The following IQCH variants were observed in gnomAD, a reference collection of about 807,000 sequenced individuals.
IQCH encodes IQ domain-containing protein H.
IQCH carries 98 observed loss-of-function variants against 117.0 expected under a neutral mutation model. The ratio of observed to expected loss-of-function variants is 0.84; its 90% CI spans 0.71 to 0.99. IQCH has a LOEUF of 0.99. Ranked by LOEUF, IQCH falls within the 50% of genes least tolerant of loss-of-function variation. The pLI, the probability that IQCH is intolerant of heterozygous loss-of-function variation, is 0.00. For synonymous variants in IQCH, 412 were observed against 448.2 expected (o/e 0.92, Z 1.02); for missense variants, 1,102 against 1,243.8 (o/e 0.89, Z 1.72).
rs1029424646 is a variant in IQCH at position 67,474,558 on chromosome 15, ACATAATGACAG to A, written c.2677-1135_2677-1125del. Among the ~76,000 whole-genome samples the A allele has an allele frequency of 6.6e-6, 1 of 152,252 alleles. No individual in the cohort carries two copies. Among genetic ancestry groups the A allele is most frequent in the Non-Finnish European group, 1.5e-5 (1 of 68,046 alleles). On this transcript the variant is annotated intron_variant, in intron 17 of 20. Transcript: ENST00000335894. The surrounding 1 kb of genome is among the most constrained non-coding windows in gnomAD (Gnocchi z 4.1). ...TAAATTTTAAATGTTTTCAGGAAAT[ACATAATGACAG>A]CACTTTGGGCCTACTATCACCAATC...
intron 4 of IQCH, among the ~76,000 whole-genome samples, chr15:67,295,843 T>C (rs1966849293): frequency 6.6e-6 from 1 of 152,158 alleles, no homozygotes; most frequent in Admixed American, 6.5e-5. Flanking sequence ...TCTACAGTTA[T>C]TTCCTCTCAT....
Position 67,453,548 on chromosome 15 carries a change from T to C in IQCH, c.2506-11579T>C, listed in dbSNP as rs1402161720. Among the ~76,000 whole-genome samples, 1 of 152,202 alleles carries C rather than the reference T, an allele frequency of 6.6e-6. No individual in the cohort carries two copies. Among genetic ancestry groups the C allele is most frequent in the Non-Finnish European group, 1.5e-5 (1 of 68,020 alleles). On this transcript the variant is annotated intron_variant, in intron 16 of 20. Coordinates refer to ENST00000335894, the MANE Select transcript of IQCH (RefSeq NM_001031715.3). The surrounding 1 kb of genome is among the most constrained non-coding windows in gnomAD (Gnocchi z 5.8). ...GTGGCTGCAGAACAGTGGATTTTGG[T>C]GAACCGCAAATGCTGCTGCCTGATC... is the stretch of plus-strand genomic sequence containing the variant.
chr15:67,328,586 A>T (rs1196238518), intron 4 of IQCH, among the ~76,000 whole-genome samples: 1 of 152,238 alleles, frequency 6.6e-6, no homozygotes, highest in East Asian at 1.9e-4. Context: ...AGAATTTAAT[A>T]GCAGAGCCTA....
chr15:67,263,571 C>T (rs1362331171), intron 3 of IQCH, among the ~76,000 whole-genome samples: 1 of 152,138 alleles, frequency 6.6e-6, no homozygotes, highest in Non-Finnish European at 1.5e-5. Flanking sequence ...TAATGCTTGA[C>T]ACCATAATAA....
intron 3 of IQCH, among the ~76,000 whole-genome samples, chr15:67,267,586 A>G (rs1965728261): frequency 6.6e-6 from 1 of 152,230 alleles, no homozygotes; most frequent in African/African-American, 2.4e-5. Context: ...CCCGGCAGTC[A>G]GGCTAGCAGG....
At chr15:67,273,227 T>C (rs1596074524) in intron 3 of IQCH, among the ~76,000 whole-genome samples, 1 of 151,804 alleles carries the variant, frequency 6.6e-6, no homozygotes, top group Non-Finnish European at 1.5e-5. Context: ...CCTGCCACCA[T>C]GCCTGGCTAA....
chr15:67,478,877 T>C (rs1313164074), intron 18 of IQCH, among the ~76,000 whole-genome samples: 1 of 151,822 alleles, frequency 6.6e-6, no homozygotes, highest in Non-Finnish European at 1.5e-5. Flanking sequence ...TGAGCCGAGA[T>C]TGCGCCACTG....
chr15:67,278,969 A>G (rs1202035445), intron 3 of IQCH, among the ~76,000 whole-genome samples: 6 of 152,220 alleles, frequency 3.9e-5, no homozygotes, highest in Non-Finnish European at 2.9e-5. Context: ...ACTATATAAA[A>G]TAGCAGAGAT....
intron 16 of IQCH, among the ~76,000 whole-genome samples, chr15:67,449,796 C>A (rs1313740148): frequency 2.8e-4 from 43 of 152,070 alleles, no homozygotes; most frequent in African/African-American, 1.0e-3. Flanking sequence ...ATGGCATTGA[C>A]TCTATAAATT....
Position 67,474,069 on chromosome 15 carries a change from T to A in IQCH, c.2677-1627T>A, listed in dbSNP as rs1023213712. On this transcript the variant is annotated intron_variant, in intron 17 of 20. Transcript: ENST00000335894. This position sits in a 1 kb window ranked among gnomAD's most constrained non-coding sequence, Gnocchi z 4.1. Reference sequence around the variant, plus strand: ...CACCAAAAGTGCCACGAAATCTGAGTGTGTGTGTGTGTGTGTGTGTGTGTG... The same window carrying A: ...CACCAAAAGTGCCACGAAATCTGAGAGTGTGTGTGTGTGTGTGTGTGTGTG... Among the ~76,000 whole-genome samples the A allele has an allele frequency of 1.5e-5, 2 of 134,252 alleles. No homozygotes were observed. The highest frequency in any genetic ancestry group is 7.2e-5 in the Admixed American group (1 of 13,838). The allele number at this position is 134,252 out of a possible 152,430, so 88.1% of individuals were successfully genotyped here.
chr15:67,321,756 A>T (rs1207017681), intron 4 of IQCH, among the ~76,000 whole-genome samples: 3 of 152,170 alleles, frequency 2.0e-5, no homozygotes, highest in Admixed American at 1.3e-4. Flanking sequence ...AACCAATCTC[A>T]GCTTTGCTTC....
At chr15:67,444,273 A>C (rs2082344647) in intron 16 of IQCH, among the ~76,000 whole-genome samples, 1 of 152,220 alleles carries the variant, frequency 6.6e-6, no homozygotes, top group Non-Finnish European at 1.5e-5. Flanking sequence ...GAATAAAATC[A>C]GTGTTGTGGT....
intron 5 of IQCH, among the ~76,000 whole-genome samples, chr15:67,340,035 C>T (rs1315018432): frequency 6.6e-6 from 1 of 152,154 alleles, no homozygotes; most frequent in Non-Finnish European, 1.5e-5. Context: ...TTCCTTACCA[C>T]CTATAAGGCT....
chr15:67,327,915 A>G (rs1968484575), intron 4 of IQCH, among the ~76,000 whole-genome samples: 1 of 152,134 alleles, frequency 6.6e-6, no homozygotes, highest in Admixed American at 6.5e-5. Context: ...AGCTTTTATG[A>G]CAGCACTAAA....
chr15:67,335,073 A>G (rs906866305), intron 4 of IQCH, among the ~76,000 whole-genome samples: 17 of 152,030 alleles, frequency 1.1e-4, no homozygotes, highest in South Asian at 4.1e-4. Flanking sequence ...ACACACGTGC[A>G]CACACACACA....
chr15:67,400,342 G>T, intron 14 of IQCH, 37 bp downstream of exon 14: 1 of 1,526,704 alleles, frequency 6.6e-7, no homozygotes, highest in Non-Finnish European at 9.1e-7. Context: ...CGCAGGGTCT[G>T]TGAACAGTTA....
intron 4 of IQCH, among the ~76,000 whole-genome samples, chr15:67,310,440 T>C (rs574913143): frequency 0.01 from 1,589 of 152,164 alleles, 24 homozygotes; most frequent in African/African-American, 0.037. Context: ...TACAAATAAA[T>C]AAGCAAAGAT....
intron 4 of IQCH, among the ~76,000 whole-genome samples, chr15:67,324,616 A>AAT (rs1567097174): frequency 6.6e-6 from 1 of 151,650 alleles, no homozygotes; most frequent in Non-Finnish European, 1.5e-5. Context: ...GTCTAAAAAA[A>AAT]AAAAAAAAAA....
intron 4 of IQCH, among the ~76,000 whole-genome samples, chr15:67,314,564 A>G (rs1356601596): frequency 6.6e-6 from 1 of 151,756 alleles, no homozygotes. Flanking sequence ...TTATATAAGC[A>G]GTAAAAACCC....
Sources: allele counts gnomAD v4.1 joint callset (sites outside exome capture counted in the v4.1 genomes callset), GRCh38; gene constraint gnomAD v4.1.1; non-coding constraint Gnocchi (gnomAD v3.1); transcripts MANE v1.5; gene names NCBI Gene and HGNC (gene_info 2026-07-23, HGNC 2026-07-21).